RAD51B: variants seen among roughly 807,000 people sequenced by gnomAD.
RAD51B encodes DNA repair protein RAD51 homolog 2.
In RAD51B, 38 loss-of-function variants were observed where a neutral mutation model predicts 42.2. The ratio of observed to expected loss-of-function variants is 0.90; its 90% CI spans 0.70 to 1.18. The LOEUF (loss-of-function observed/expected upper bound fraction) is 1.18, where lower values mean the gene tolerates loss of function less well. RAD51B is among the 50% of genes most tolerant of loss of function. The pLI, the probability that RAD51B is intolerant of heterozygous loss-of-function variation, is 0.00. For missense variants in RAD51B, 373 were observed against 400.7 expected, an observed-to-expected ratio of 0.93 and a Z score of 0.59; for synonymous variants, 154 against 145.2, an observed-to-expected ratio of 1.06 and a Z score of -0.43.
chr14:67,824,678 A>G (rs1032408299), intron 2 of RAD51B, among the ~76,000 whole-genome samples: 1 of 152,116 alleles, frequency 6.6e-6, no homozygotes. Context: ...GCATATTTAT[A>G]CTCGGAAACA....
At chr14:67,827,847 C>T (rs2040886369) in intron 3 of RAD51B, among the ~76,000 whole-genome samples, 1 of 152,168 alleles carries the variant, frequency 6.6e-6, no homozygotes, top group African/African-American at 2.4e-5. Flanking sequence ...GCACAGTATT[C>T]CATTGTGTAT....
At chr14:68,029,362 T>C (rs2076005028) in intron 7 of RAD51B, among the ~76,000 whole-genome samples, 1 of 152,232 alleles carries the variant, frequency 6.6e-6, no homozygotes, top group Admixed American at 6.5e-5. Flanking sequence ...CAGCTAAGTT[T>C]ATGGAATATT....
chr14:68,613,530 T>A (rs1036649058), downstream of RAD51B, among the ~76,000 whole-genome samples: 16 of 151,258 alleles, frequency 1.1e-4, no homozygotes, highest in Non-Finnish European at 2.1e-4. Flanking sequence ...CTCAGCTCAC[T>A]GCAAGTTCTG....
At chr14:68,599,028 G>A (rs1458809237), downstream of RAD51B, among the ~76,000 whole-genome samples, 1 of 152,202 alleles carries the variant, frequency 6.6e-6, no homozygotes, top group Non-Finnish European at 1.5e-5. Flanking sequence ...GCAGCACTTT[G>A]GAAAGGAAAA....
intron 8 of RAD51B, among the ~76,000 whole-genome samples, chr14:68,362,645 C>G (rs1379100136): frequency 1.3e-5 from 2 of 152,182 alleles, no homozygotes; most frequent in East Asian, 1.9e-4. Context: ...ATCAGGAGAT[C>G]GAGACCATCC....
At chr14:67,916,965 G>C (rs2044171403) in intron 7 of RAD51B, among the ~76,000 whole-genome samples, 1 of 152,130 alleles carries the variant, frequency 6.6e-6, no homozygotes, top group Admixed American at 6.5e-5. Context: ...AGTAGAGCAG[G>C]GTAAGGGAGA....
At chr14:68,561,667 A>G (rs999415405) in intron 10 of RAD51B, among the ~76,000 whole-genome samples, 1 of 152,134 alleles carries the variant, frequency 6.6e-6, no homozygotes, top group African/African-American at 2.4e-5. Context: ...GCTGCTGGAG[A>G]GATGTTTACA....
At chr14:68,392,131 G>A (rs2083775167) in intron 8 of RAD51B, among the ~76,000 whole-genome samples, 2 of 152,156 alleles carry the variant, frequency 1.3e-5, no homozygotes, top group Non-Finnish European at 2.9e-5. Context: ...GTATAATCTG[G>A]TTTTAATTAA....
At chr14:68,045,696 T>C (rs932789545) in intron 7 of RAD51B, among the ~76,000 whole-genome samples, 4 of 152,082 alleles carry the variant, frequency 2.6e-5, no homozygotes, top group African/African-American at 9.7e-5. Context: ...TATGAAACAA[T>C]AATTTGAAAA....
intron 7 of RAD51B, among the ~76,000 whole-genome samples, chr14:68,186,742 G>A (rs535322410): frequency 6.6e-6 from 1 of 152,276 alleles, no homozygotes; most frequent in South Asian, 2.1e-4. Context: ...CAGAGAAAAG[G>A]AATGCATGTA....
At chr14:67,917,821 T>C (rs1408352597) in intron 7 of RAD51B, among the ~76,000 whole-genome samples, 1 of 146,696 alleles carries the variant, frequency 6.8e-6, no homozygotes, top group Non-Finnish European at 1.5e-5. Flanking sequence ...TTCAGTACTA[T>C]ATATATATAT....
chr14:68,535,546 G>A (rs932895016), intron 10 of RAD51B, among the ~76,000 whole-genome samples: 2 of 152,126 alleles, frequency 1.3e-5, no homozygotes, highest in Non-Finnish European at 2.9e-5. Context: ...ATAGTGACAC[G>A]TCGAGCTTAC....
At chr14:68,331,584 A>G (rs756499362) in intron 8 of RAD51B, among the ~76,000 whole-genome samples, 3 of 152,194 alleles carry the variant, frequency 2.0e-5, no homozygotes, top group Non-Finnish European at 2.9e-5. Flanking sequence ...GCATCCACAT[A>G]TCTACTAATT....
At chr14:68,263,948 C>T (rs1158769318) in intron 7 of RAD51B, among the ~76,000 whole-genome samples, 3 of 152,282 alleles carry the variant, frequency 2.0e-5, no homozygotes, top group Non-Finnish European at 4.4e-5. Context: ...TAAATTTCAC[C>T]ATTTTGGTGC....
chr14:67,869,454 G>A lies in RAD51B; in HGVS notation c.452+4315G>A, dbSNP rs1358148095. The stretch of plus-strand genomic sequence containing the variant: ...GACTATGTGAAAAGACCAAATCTAC[G>A]TCTGATTGGTGTACCTGAAAGTGAC... On this transcript the variant is annotated intron_variant, in intron 5 of 10. Transcript: ENST00000471583. 7.9e-5 allele frequency among the ~76,000 whole-genome samples: 12 copies of A among 152,222 alleles called. No individual in the cohort carries two copies. The East Asian group carries it at 1.2e-3, about 15-fold the overall frequency.
At chr14:68,467,018 G>T (rs1459849667) in intron 9 of RAD51B, among the ~76,000 whole-genome samples, 1 of 152,154 alleles carries the variant, frequency 6.6e-6, no homozygotes, top group East Asian at 1.9e-4. Flanking sequence ...ATTTGAAATT[G>T]TTTCTTCCTT....
chr14:68,468,652 A>G (rs904974961), intron 10 of RAD51B: 1 of 330,568 alleles, frequency 3.0e-6, no homozygotes, highest in Non-Finnish European at 6.0e-6. Context: ...CTAAAGAACC[A>G]TCTGGGTTGG....
At chr14:68,658,677 G>C (rs571720844) in intron 11 of RAD51B, among the ~76,000 whole-genome samples, 61 of 152,262 alleles carry the variant, frequency 4.0e-4, no homozygotes, top group African/African-American at 1.5e-3. Context: ...TCTGCCTCAG[G>C]GTTCTCCCTG....
At chr14:68,112,506 C>A (rs2077475291) in intron 7 of RAD51B, among the ~76,000 whole-genome samples, 1 of 152,126 alleles carries the variant, frequency 6.6e-6, no homozygotes, top group Admixed American at 6.6e-5. Context: ...AAATCTAATT[C>A]TTCATGCAGA....
Sources: gnomAD v4.1 joint callset for allele counts (sites outside exome capture counted in the v4.1 genomes callset) on GRCh38, gnomAD v4.1.1 for gene constraint, MANE v1.5 for transcripts, NCBI Gene and HGNC (gene_info 2026-07-23, HGNC 2026-07-21) for gene names.